The following CLEC2B variants were observed in gnomAD, a reference collection of about 807,000 sequenced individuals.
CLEC2B encodes C-type lectin domain family 2 member B.
In CLEC2B, 14 loss-of-function variants were observed where a neutral mutation model predicts 16.2. That is an observed-to-expected ratio of 0.86 (90% CI 0.57 to 1.35). The LOEUF is 1.35. Among genes scored for constraint, CLEC2B ranks in the 40% most tolerant of loss-of-function variants. CLEC2B has a pLI of 0.00. For missense variants in CLEC2B, 166 were observed against 182.3 expected, an observed-to-expected ratio of 0.91 and a Z score of 0.52; for synonymous variants, 42 against 55.8, an observed-to-expected ratio of 0.75 and a Z score of 1.10.
chr12:9,862,657 C>T, intron 1 of CLEC2B, 84 bp from the exon 2 acceptor site: 1 of 1,164,496 alleles, frequency 8.6e-7, no homozygotes, highest in Non-Finnish European at 1.1e-6. Context: ...ATGTCCCCCA[C>T]AGAAAACAAC....
At chr12:9,863,082 G>A (rs562023716) in intron 1 of CLEC2B, among the ~76,000 whole-genome samples, 12 of 152,214 alleles carry the variant, frequency 7.9e-5, no homozygotes, top group Admixed American at 3.3e-4. Flanking sequence ...AGTGGCTGTC[G>A]AGCAGCATCA....
rs887145861 is a variant in CLEC2B, at chr12:9,857,381, G to A, written c.237+93C>T. On this transcript the variant is annotated intron_variant, in intron 3 of 4. Coordinates refer to ENST00000228438, the MANE Select transcript of CLEC2B (RefSeq NM_005127.3). ...TTCAATTTTCTGCATAGATAGGCAT[G>A]AGTGAAAAGACTTCAAGATTATAAT... The A allele has an allele frequency of 6.5e-5, 59 of 906,886 alleles. No homozygotes were observed. The African/African-American group carries it at 9.8e-4, about 15-fold the overall frequency. The allele number at this position is 906,886 out of a possible 1,614,324, so 56.2% of individuals were successfully genotyped here.
At chr12:9,855,831 CTT>C (rs1365217579) in intron 3 of CLEC2B, among the ~76,000 whole-genome samples, 2 of 152,012 alleles carry the variant, frequency 1.3e-5, no homozygotes, top group African/African-American at 2.4e-5. Flanking sequence ...GTAAGACAAA[CTT>C]TATCTCATAT....
rs537058988 is a variant in CLEC2B at position 9,862,914 on chromosome 12, T to C, written c.-2-341A>G. The stretch of plus-strand genomic sequence containing the variant: ...ATGGATAACCAGCTTCCCCACCAGC[T>C]TGAGTTTCCTGGCAGGAAACTTGCC... On this transcript the variant is annotated intron_variant, in intron 1 of 4. Coordinates refer to ENST00000228438, the MANE Select transcript of CLEC2B (RefSeq NM_005127.3). Among the ~76,000 whole-genome samples the C allele has an allele frequency of 3.3e-5, 5 of 152,244 alleles. No individual in the cohort carries two copies. The South Asian group carries it at 6.2e-4, about 19-fold the overall frequency.
chr12:9,864,163 G>GAA (rs34581887), intron 1 of CLEC2B, among the ~76,000 whole-genome samples: 1,538 of 141,786 alleles, frequency 0.011, 22 homozygotes, highest in African/African-American at 0.034. Flanking sequence ...TTTAAGTGCT[G>GAA]AAAAAAAAAA....
In CLEC2B at chr12:9,853,214, G is replaced by T; in HGVS notation, c.*86C>A. On this transcript the variant is annotated 3_prime_UTR_variant, in exon 5 of 5. Transcript: ENST00000228438. The stretch of plus-strand genomic sequence containing the variant: ...AATTAACCAGACAGGTACAAAACTC[G>T]AACTTTGTTTAATTAAAAAAGTACT... The T allele has an allele frequency of 9.4e-7, 1 of 1,064,956 alleles. No individual in the cohort carries two copies. Among genetic ancestry groups the T allele is most frequent in the Non-Finnish European group, 1.4e-6 (1 of 714,178 alleles). The allele number at this position is 1,064,956 out of a possible 1,614,324, so 66.0% of individuals were successfully genotyped here. A position where few individuals can be genotyped will look rare whatever the true frequency, so the allele number is the denominator to read the frequency against.
intron 2 of CLEC2B, among the ~76,000 whole-genome samples, chr12:9,861,474 G>A (rs1031397198): frequency 1.3e-5 from 2 of 152,106 alleles, no homozygotes; most frequent in African/African-American, 4.8e-5. Flanking sequence ...CTTCTGCTGA[G>A]ATTATCTACA....
intron 2 of CLEC2B, among the ~76,000 whole-genome samples, chr12:9,861,763 T>A (rs1391593804): frequency 6.6e-6 from 1 of 152,060 alleles, no homozygotes; most frequent in South Asian, 2.1e-4. Context: ...GTAAAAATAA[T>A]TTTTACATTT....
intron 1 of CLEC2B, among the ~76,000 whole-genome samples, chr12:9,864,361 C>G (rs546716386): frequency 3.0e-4 from 46 of 152,178 alleles, no homozygotes; most frequent in African/African-American, 1.1e-3. Context: ...AGCTGAATAT[C>G]TAAAATACAC....
At chr12:9,857,154 C>T in intron 3 of CLEC2B, 1 of 184,336 alleles carries the variant, frequency 5.4e-6, no homozygotes, top group Non-Finnish European at 1.1e-5. Flanking sequence ...ATGCAGAATC[C>T]CCTCCTTCCT....
chr12:9,863,648 C>T (rs1209165544), intron 1 of CLEC2B, among the ~76,000 whole-genome samples: 3 of 152,038 alleles, frequency 2.0e-5, no homozygotes, highest in Non-Finnish European at 4.4e-5. Flanking sequence ...CTGAAAAATA[C>T]ATTTGCTGAA....
intron 4 of CLEC2B, among the ~76,000 whole-genome samples, chr12:9,853,715 T>A (rs1173961698): frequency 6.6e-6 from 1 of 152,086 alleles, no homozygotes; most frequent in African/African-American, 2.4e-5. Flanking sequence ...AGTATTTGGA[T>A]TTTTTTTATT....
At chr12:9,867,440 CTTT>C (rs1332141200) in intron 1 of CLEC2B, among the ~76,000 whole-genome samples, 5 of 152,064 alleles carry the variant, frequency 3.3e-5, no homozygotes, top group Non-Finnish European at 7.4e-5. Flanking sequence ...TGAAATCTAG[CTTT>C]TTACACTCAG....
intron 4 of CLEC2B, 42 bp from the exon 5 acceptor site, chr12:9,853,450 T>G: frequency 6.5e-7 from 1 of 1,534,496 alleles, no homozygotes. Flanking sequence ...ATGTGATTTC[T>G]TCCTTGCCCA....
chr12:9,855,660 G>A lies in CLEC2B; in HGVS notation c.238-1176C>T, dbSNP rs1867890022. Among the ~76,000 whole-genome samples the A allele has an allele frequency of 2.6e-5, 4 of 151,914 alleles. No individual in the cohort carries two copies. In the South Asian group the frequency reaches 6.2e-4, roughly 24 times the overall value. On this transcript the variant is annotated intron_variant, in intron 3 of 4. Coordinates refer to ENST00000228438, the MANE Select transcript of CLEC2B (RefSeq NM_005127.3). Reference sequence around the variant, plus strand: ...GACTCAGGAAAGGCTTCAGGAGAGAGCTTGACTGGTCTTGGTGACAGAGAA... The same window carrying A: ...GACTCAGGAAAGGCTTCAGGAGAGAACTTGACTGGTCTTGGTGACAGAGAA...
intron 1 of CLEC2B, among the ~76,000 whole-genome samples, chr12:9,867,864 T>C (rs892679352): frequency 6.6e-6 from 1 of 152,092 alleles, no homozygotes; most frequent in Non-Finnish European, 1.5e-5. Context: ...GATTCTGCTC[T>C]CTAAGGAAAG....
At chr12:9,866,480 A>T (rs1305864429) in intron 1 of CLEC2B, among the ~76,000 whole-genome samples, 1 of 151,952 alleles carries the variant, frequency 6.6e-6, no homozygotes, top group African/African-American at 2.4e-5. Context: ...TTTAAAGAGC[A>T]TATGTGTGTT....
chr12:9,861,626 G>T (rs1867933623), intron 2 of CLEC2B, among the ~76,000 whole-genome samples: 1 of 151,990 alleles, frequency 6.6e-6, no homozygotes, highest in Non-Finnish European at 1.5e-5. Context: ...ATTTGCAATA[G>T]TCAAAATGTA....
rs1436081635 is a variant in CLEC2B at position 9,862,507 on chromosome 12, G to C, written c.65C>G (p.Thr22Ser). The C allele has an allele frequency of 1.4e-6, 2 of 1,457,672 alleles. No individual in the cohort carries two copies. Among genetic ancestry groups the C allele is most frequent in the Non-Finnish European group, 1.9e-6 (2 of 1,080,086 alleles). The allele number at this position is 1,457,672 out of a possible 1,614,324, so 90.3% of individuals were successfully genotyped here. A position where few individuals can be genotyped will look rare whatever the true frequency, so the allele number is the denominator to read the frequency against. ...VGVLITTNII[T>S]LIVKLTRDSQ... is the part of the protein sequence containing the mutation. Reference sequence around the variant, plus strand: ...TGAAGGATGTAACTTACCTATCAGAGTAATAATATTAGTTGTTATTAAAAC... The same window carrying C: ...TGAAGGATGTAACTTACCTATCAGACTAATAATATTAGTTGTTATTAAAAC... Residue 22 changes from threonine (T) to serine (S), a missense_variant, in exon 2 of 5, where the codon ACT (threonine) becomes AGT (serine). By Grantham distance (58) the Thr-to-Ser change is moderately conservative (BLOSUM62 1). Coordinates refer to ENST00000228438, the MANE Select transcript of CLEC2B (RefSeq NM_005127.3).
Sources: gnomAD v4.1 joint callset for allele counts (sites outside exome capture counted in the v4.1 genomes callset) on GRCh38, gnomAD v4.1.1 for gene constraint, MANE v1.5 for transcripts, NCBI Gene and HGNC (gene_info 2026-07-23, HGNC 2026-07-21) for gene names.